Variants in LRRC7 observed in about 807,000 individuals in gnomAD.
LRRC7 encodes leucine-rich repeat-containing protein 7.
In LRRC7, 23 loss-of-function variants were observed where a neutral mutation model predicts 175.7. The observed-to-expected ratio is 0.13, with a 90% CI of 0.09 to 0.19. The LOEUF is 0.19. Ranked by LOEUF, LRRC7 falls within the 10% of genes least tolerant of loss-of-function variation. The pLI, the probability that LRRC7 is intolerant of heterozygous loss-of-function variation, is 1.00. For synonymous variants in LRRC7, 685 were observed against 680.9 expected (o/e 1.01, Z -0.09); for missense variants, 1,354 against 1,904.7 (o/e 0.71, Z 5.38).
intron 17 of LRRC7, among the ~76,000 whole-genome samples, chr1:70,025,704 T>G (rs1658017892): frequency 6.6e-6 from 1 of 152,068 alleles, no homozygotes; most frequent in Admixed American, 6.6e-5. Context: ...ATCTATTTCT[T>G]AAATTTAAAT....
intron 1 of LRRC7, among the ~76,000 whole-genome samples, chr1:69,579,533 T>C (rs1646105670): frequency 1.3e-5 from 2 of 152,154 alleles, no homozygotes; most frequent in South Asian, 4.1e-4. Flanking sequence ...AGTACATATG[T>C]GGAGACTCAC....
chr1:69,838,580 T>C (rs545221769), intron 7 of LRRC7, among the ~76,000 whole-genome samples: 4 of 152,026 alleles, frequency 2.6e-5, no homozygotes, highest in African/African-American at 9.6e-5. Context: ...GTCCTTCTTA[T>C]AGCTAAAAAC....
At chr1:69,990,142 G>A (rs760090189) in intron 10 of LRRC7, among the ~76,000 whole-genome samples, 15 of 151,996 alleles carry the variant, frequency 9.9e-5, no homozygotes, top group Non-Finnish European at 1.8e-4. Context: ...TCAGAAGGAA[G>A]GAAGTGAATG....
intron 2 of LRRC7, among the ~76,000 whole-genome samples, chr1:69,731,258 C>A (rs547505078): frequency 1.3e-5 from 2 of 152,014 alleles, no homozygotes; most frequent in Non-Finnish European, 2.9e-5. Flanking sequence ...GCCAAGATCA[C>A]GCCACTGCAC....
At chr1:70,027,034 A>G (rs1658187219) in intron 17 of LRRC7, among the ~76,000 whole-genome samples, 1 of 151,326 alleles carries the variant, frequency 6.6e-6, no homozygotes, top group South Asian at 2.1e-4. Flanking sequence ...TGTGCCCCTC[A>G]CTCTTTCTCT....
intron 2 of LRRC7, among the ~76,000 whole-genome samples, chr1:69,706,610 T>C (rs1263663064): frequency 6.6e-6 from 1 of 152,186 alleles, no homozygotes; most frequent in African/African-American, 2.4e-5. Context: ...AAGACTAATC[T>C]AACTAGCCTG....
intron 8 of LRRC7, among the ~76,000 whole-genome samples, chr1:69,947,638 C>A (rs1649477247): frequency 6.6e-6 from 1 of 151,848 alleles, no homozygotes; most frequent in Non-Finnish European, 1.5e-5. Flanking sequence ...TATTTATATA[C>A]TGTTGCCTTT....
At chr1:69,906,742 G>A (rs1570593876) in intron 7 of LRRC7, among the ~76,000 whole-genome samples, 1 of 152,072 alleles carries the variant, frequency 6.6e-6, no homozygotes, top group South Asian at 2.1e-4. Flanking sequence ...TGGCGATGAG[G>A]GCTCTTTTTT....
At chr1:69,815,817 T>C (rs994985882) in intron 4 of LRRC7, among the ~76,000 whole-genome samples, 1 of 152,162 alleles carries the variant, frequency 6.6e-6, no homozygotes, top group African/African-American at 2.4e-5. Context: ...CATGAGGGCC[T>C]GTTCCTCATA....
intron 1 of LRRC7, among the ~76,000 whole-genome samples, chr1:69,590,001 C>T (rs2209456): frequency 0.15 from 23,011 of 152,138 alleles, 1,920 homozygotes; most frequent in Admixed American, 0.19. Context: ...GCTTCTTTGT[C>T]CTCGGCTATA....
chr1:70,013,725 A>T (rs1411199302), intron 13 of LRRC7, among the ~76,000 whole-genome samples: 1 of 151,990 alleles, frequency 6.6e-6, no homozygotes, highest in East Asian at 1.9e-4. Context: ...ATAGGAAAGG[A>T]TAAGAACAAA....
At chr1:70,097,343 T>C (rs1159413758) in intron 25 of LRRC7, among the ~76,000 whole-genome samples, 1 of 152,158 alleles carries the variant, frequency 6.6e-6, no homozygotes, top group Non-Finnish European at 1.5e-5. Context: ...AATAAAACCA[T>C]ATTAAACCTA....
chr1:69,673,965 CAT>C (rs1423065941), intron 1 of LRRC7, among the ~76,000 whole-genome samples: 4 of 151,972 alleles, frequency 2.6e-5, no homozygotes, highest in African/African-American at 9.6e-5. Flanking sequence ...ACACTAAAAA[CAT>C]ATATTTGAAT....
chr1:69,888,299 G>T (rs1239313896), intron 7 of LRRC7, among the ~76,000 whole-genome samples: 1 of 152,184 alleles, frequency 6.6e-6, no homozygotes, highest in Non-Finnish European at 1.5e-5. Context: ...CTCGGATCCA[G>T]GTGCGGGATA....
chr1:70,062,799 A>G (rs1415788917), intron 23 of LRRC7, among the ~76,000 whole-genome samples: 1 of 152,030 alleles, frequency 6.6e-6, no homozygotes, highest in Admixed American at 6.6e-5. Flanking sequence ...TTTCTAATTG[A>G]TTGATTTTAG....
chr1:69,914,729 C>T (rs994036668), intron 7 of LRRC7, among the ~76,000 whole-genome samples: 3 of 152,102 alleles, frequency 2.0e-5, no homozygotes, highest in Non-Finnish European at 2.9e-5. Flanking sequence ...GGTTGATAGA[C>T]TATGTCTTGT....
rs1015998206 is a variant in LRRC7 at position 70,123,270 on chromosome 1, A to G, written c.*1383A>G. On this transcript the variant is annotated 3_prime_UTR_variant, in exon 27 of 27. Coordinates refer to ENST00000651989, the MANE Select transcript of LRRC7 (RefSeq NM_001370785.2). Reference sequence around the variant, plus strand: ...AGGATAATTTCCCGGAGTTGGTTGCATGCATTATCTTTCATAATTTTACAT... The same window carrying G: ...AGGATAATTTCCCGGAGTTGGTTGCGTGCATTATCTTTCATAATTTTACAT... 8 of 152,166 alleles carry G rather than the reference A, an allele frequency of 5.3e-5. No homozygotes were observed. Among genetic ancestry groups the G allele is most frequent in the Non-Finnish European group, 1.0e-4 (7 of 67,992 alleles). 9.4% of individuals were successfully genotyped at this position (152,166 alleles called of 1,614,324 possible).
intron 8 of LRRC7, among the ~76,000 whole-genome samples, chr1:69,956,935 T>C (rs1180943572): frequency 6.6e-6 from 1 of 151,710 alleles, no homozygotes; most frequent in East Asian, 1.9e-4. Context: ...TGCAGTGAAG[T>C]CAAGTAGGAT....
Position 70,038,668 on chromosome 1 carries a change from T to G in LRRC7, c.2844T>G (p.Ser948=). 1.9e-6 allele frequency: 3 copies of G among 1,614,128 alleles called. No homozygotes were observed. The highest frequency in any genetic ancestry group is 2.5e-6 in the Non-Finnish European group (3 of 1,180,010). ...ACAGGAGTCTTAGTAATGTCTTTTCTCAAATCCACTGCCGCCCGGAATCTT... is the reference window on the plus strand; with the variant it reads ...ACAGGAGTCTTAGTAATGTCTTTTCGCAAATCCACTGCCGCCCGGAATCTT... ...NPNRSLSNVF[S]QIHCRPESSK... Residue 948 remains serine, a synonymous_variant, in exon 21 of 27, where the codon TCT becomes TCG. Transcript: ENST00000651989.
Sources: gnomAD v4.1 joint callset for allele counts (sites outside exome capture counted in the v4.1 genomes callset) on GRCh38, gnomAD v4.1.1 for gene constraint, MANE v1.5 for transcripts, NCBI Gene and HGNC (gene_info 2026-07-23, HGNC 2026-07-21) for gene names.